Variants in COL9A1 observed in about 807,000 individuals in gnomAD.
COL9A1 encodes the protein collagen alpha-1(IX) chain.
Under a neutral mutation model 142.6 loss-of-function variants are expected in COL9A1, and 104 were observed. That is an observed-to-expected ratio of 0.73 (90% confidence interval 0.62 to 0.86). The LOEUF (loss-of-function observed/expected upper bound fraction) is 0.86, where lower values mean the gene tolerates loss of function less well. COL9A1 is among the 40% of genes least tolerant of loss of function. The pLI is 0.00. For missense variants in COL9A1, 1,210 were observed against 1,176.6 expected, an observed-to-expected ratio of 1.03 and a Z score of -0.42; for synonymous variants, 466 against 396.0, an observed-to-expected ratio of 1.18 and a Z score of -2.10.
In COL9A1 at chr6:70,255,175, C is replaced by A; in HGVS notation, c.1586G>T (p.Gly529Val). Reference sequence around the variant, plus strand: ...CGTGTCTCCTTTGGGCCCAGGGAGACCAGGAATTCCTCTAGCACCTTCAGC... The same window carrying A: ...CGTGTCTCCTTTGGGCCCAGGGAGAACAGGAATTCCTCTAGCACCTTCAGC... ...RGAEGARGIP[G>V]LPGPKGDTGL... is the part of the protein sequence containing the mutation. Residue 529 changes from glycine (G) to valine (V), a missense_variant, in exon 23 of 38, where the codon GGT (glycine) becomes GTT (valine). Physicochemically the swap from Gly to Val is moderately radical, Grantham distance 109. Coordinates refer to ENST00000357250, the MANE Select transcript of COL9A1 (RefSeq NM_001851.6). The A allele has an allele frequency of 1.2e-6, 2 of 1,614,094 alleles. No homozygotes were observed. Among genetic ancestry groups the A allele is most frequent in the Non-Finnish European group, 1.7e-6 (2 of 1,180,000 alleles).
intron 28 of COL9A1, among the ~76,000 whole-genome samples, chr6:70,245,216 A>G (rs1204576024): frequency 2.6e-5 from 4 of 152,228 alleles, no homozygotes. Context: ...GTCTTCTAAG[A>G]ACATGCATAC....
chr6:70,245,132 T>C (rs1330172978), intron 28 of COL9A1, among the ~76,000 whole-genome samples: 1 of 152,230 alleles, frequency 6.6e-6, no homozygotes, highest in Non-Finnish European at 1.5e-5. Context: ...AATGTTTATT[T>C]TCCCAAGAGT....
chr6:70,238,619 A>G (rs1456909976), intron 33 of COL9A1, among the ~76,000 whole-genome samples: 8 of 152,224 alleles, frequency 5.3e-5, no homozygotes, highest in African/African-American at 1.9e-4. Context: ...AACAAAAAAC[A>G]CAAGTCAGTT....
At chr6:70,295,443 T>C (rs1316534538) in intron 4 of COL9A1, among the ~76,000 whole-genome samples, 2 of 151,828 alleles carry the variant, frequency 1.3e-5, no homozygotes, top group African/African-American at 2.4e-5. Flanking sequence ...CCCACCATTA[T>C]GCCTGGCTAA....
chr6:70,270,686 G>A (rs1278141596), intron 14 of COL9A1, among the ~76,000 whole-genome samples: 1 of 152,174 alleles, frequency 6.6e-6, no homozygotes, highest in Non-Finnish European at 1.5e-5. Flanking sequence ...TATTTTTCTG[G>A]TTGATTTACA....
At chr6:70,243,650 C>G (rs1462285615) in intron 28 of COL9A1, among the ~76,000 whole-genome samples, 2 of 152,154 alleles carry the variant, frequency 1.3e-5, no homozygotes, top group African/African-American at 4.8e-5. Flanking sequence ...GCCTCAGCCT[C>G]CTGAGTAGCT....
At chr6:70,227,307 A>G (rs1769286518) in intron 36 of COL9A1, among the ~76,000 whole-genome samples, 2 of 151,856 alleles carry the variant, frequency 1.3e-5, no homozygotes, top group Admixed American at 1.3e-4. Flanking sequence ...ACAACACAAC[A>G]GCAAAAAAAT....
rs374255811 is a variant in COL9A1, at chr6:70,272,069, G to A, written c.1085C>T (p.Pro362Leu). The change falls in exon 13 of 38, where the codon CCC becomes CTC. Residue 362 changes from proline (P) to leucine (L), a missense_variant. Transcript: ENST00000357250. ...RGFPGRGIPG[P>L]PGPPGTAGLP... ...AAATGATGAAGTGATACTTACAGGGGGTCCAGGAATACCACGGCCCTAAAA... is the reference window on the plus strand; with the variant it reads ...AAATGATGAAGTGATACTTACAGGGAGTCCAGGAATACCACGGCCCTAAAA... 36 of 1,611,754 alleles carry A rather than the reference G, an allele frequency of 2.2e-5. No homozygotes were observed. The highest frequency in any genetic ancestry group is 2.9e-5 in the Non-Finnish European group (34 of 1,178,460).
chr6:70,281,390 G>A lies in COL9A1; in HGVS notation c.876C>T (p.Asp292=), dbSNP rs199570724. 1.5e-5 allele frequency: 24 copies of A among 1,613,176 alleles called. No homozygotes were observed. The highest frequency in any genetic ancestry group is 2.2e-5 in the East Asian group (1 of 44,822). ...AGGTGGCCTGGAGATAGAAACTTAC[G>A]TCGATGCCATCGATGCCTGGAACTC... is the stretch of plus-strand genomic sequence containing the variant. The part of the protein sequence containing the change: ...PPGVPGIDGI[D]GDRGPKGPPG... The change falls in exon 8 of 38, where the codon GAC becomes GAT. Residue 292 remains aspartate, a splice_region_variant and synonymous_variant. Coordinates refer to ENST00000357250, the MANE Select transcript of COL9A1 (RefSeq NM_001851.6).
At chr6:70,281,313 ACCCCACAGGAGCCCTGGG>A in intron 8 of COL9A1, 59 bp downstream of exon 8, 1 of 1,304,842 alleles carries the variant, frequency 7.7e-7, no homozygotes, top group Middle Eastern at 2.1e-4. Flanking sequence ...AAAAAAAAAA[ACCCCACAGGAGCCCTGGG>A]AAAAGAATAG....
intron 5 of COL9A1, among the ~76,000 whole-genome samples, chr6:70,291,436 T>A (rs928502591): frequency 6.6e-6 from 1 of 151,870 alleles, no homozygotes. Context: ...AGTGAGGAGA[T>A]TTTTTTCTAT....
At chr6:70,248,944 A>C (rs1222913210) in intron 28 of COL9A1, among the ~76,000 whole-genome samples, 3 of 152,146 alleles carry the variant, frequency 2.0e-5, no homozygotes, top group Non-Finnish European at 4.4e-5. Context: ...TTAACATTCC[A>C]ATTACATCTG....
chr6:70,226,103 C>T, intron 36 of COL9A1, 94 bp from the exon 37 acceptor site: 1 of 1,124,538 alleles, frequency 8.9e-7, no homozygotes, highest in Non-Finnish European at 1.3e-6. Context: ...ATTCAGAAAC[C>T]AAAAGGTCAT....
intron 18 of COL9A1, among the ~76,000 whole-genome samples, chr6:70,263,705 T>C (rs1771838708): frequency 3.3e-5 from 5 of 151,942 alleles, no homozygotes; most frequent in Admixed American, 3.3e-4. Context: ...AATTATACTA[T>C]GAAAACTTTT....
At chr6:70,219,913 A>G (rs563832286) in intron 37 of COL9A1, among the ~76,000 whole-genome samples, 248 of 152,348 alleles carry the variant, frequency 1.6e-3, no homozygotes, top group African/African-American at 5.4e-3. Context: ...AAGCAGAAGG[A>G]TAGCTTTTTA....
intron 5 of COL9A1, 115 bp from the exon 6 acceptor site, chr6:70,283,935 G>C (rs2127600034): frequency 1.3e-6 from 1 of 791,866 alleles, no homozygotes; most frequent in South Asian, 1.5e-5. Context: ...ACTTGAACTG[G>C]TTGAGCACAC....
intron 19 of COL9A1, 65 bp from the exon 20 acceptor site, chr6:70,260,775 A>C (rs1771629351): frequency 6.7e-7 from 1 of 1,500,148 alleles, no homozygotes; most frequent in Non-Finnish European, 9.2e-7. Flanking sequence ...AAATCTCATC[A>C]CAAAAGCTGA....
At chr6:70,264,451 G>C (rs974835864) in intron 18 of COL9A1, among the ~76,000 whole-genome samples, 1 of 152,006 alleles carries the variant, frequency 6.6e-6, no homozygotes, top group Non-Finnish European at 1.5e-5. Context: ...ATCTATGACT[G>C]ACAGTGGGAA....
At chr6:70,270,931 T>C (rs938513303) in intron 14 of COL9A1, among the ~76,000 whole-genome samples, 2 of 152,208 alleles carry the variant, frequency 1.3e-5, no homozygotes, top group African/African-American at 4.8e-5. Flanking sequence ...GGGTTCCAAT[T>C]ACTCTTAACA....
Sources: allele counts gnomAD v4.1 joint callset (sites outside exome capture counted in the v4.1 genomes callset), GRCh38; gene constraint gnomAD v4.1.1; transcripts MANE v1.5; gene names NCBI Gene and HGNC (gene_info 2026-07-23, HGNC 2026-07-21).